The following SYK variants were observed in gnomAD, a reference collection of about 807,000 sequenced individuals.
The protein encoded by SYK is tyrosine-protein kinase SYK.
A neutral mutation model predicts 77.8 loss-of-function variants in SYK; 16 were observed. That is an observed-to-expected ratio of 0.21 (90% CI 0.14 to 0.31). The LOEUF (loss-of-function observed/expected upper bound fraction) is 0.31, where lower values mean the gene tolerates loss of function less well. Ranked by LOEUF, SYK falls within the 10% of genes least tolerant of loss-of-function variation. The probability of loss-of-function intolerance (pLI) is 1.00; values close to 1 mark genes in which losing one functional copy is unlikely to be tolerated. For synonymous variants in SYK, 312 were observed against 308.7 expected (o/e 1.01, Z -0.11); for missense variants, 529 against 814.4 (o/e 0.65, Z 4.26).
At chr9:90,821,668 C>T (rs1027637717) in intron 1 of SYK, among the ~76,000 whole-genome samples, 3 of 152,210 alleles carry the variant, frequency 2.0e-5, no homozygotes, top group Non-Finnish European at 1.5e-5. Flanking sequence ...AAAATTTTAG[C>T]CACATGCATA....
rs371908826 is a variant in SYK, at chr9:90,844,069, C to A, written c.171C>A (p.His57Gln). The A allele has an allele frequency of 1.2e-6, 2 of 1,611,882 alleles. No individual in the cohort carries two copies. The highest frequency in any genetic ancestry group is 1.7e-6 in the Non-Finnish European group (2 of 1,178,924). The change falls in exon 2 of 14, where the codon CAC (histidine) becomes CAA (glutamine). Residue 57 changes from histidine (H) to glutamine (Q), a missense_variant. His to Gln is a conservative substitution (Grantham distance 24). Around this residue, in one of 2 missense-constraint regions of SYK, gnomAD observed 321 missense variants for 433.1 expected, o/e 0.74. Coordinates refer to ENST00000375754, the MANE Select transcript of SYK (RefSeq NM_003177.7). Reference protein sequence around the residue: ...YLGGFALSVAHGRKAHHYTIE... With the variant: ...YLGGFALSVAQGRKAHHYTIE... ...GTGGCTTCGCCCTGTCCGTGGCCCACGGGAGGAAGGCACACCACTACACCA... is the reference window on the plus strand; with the variant it reads ...GTGGCTTCGCCCTGTCCGTGGCCCAAGGGAGGAAGGCACACCACTACACCA...
In SYK at chr9:90,898,320, G is replaced by C. The variant is rs1394836984; in HGVS notation, c.*2720G>C. ...CCCATACTCCCTATCAGCCAGCCCTGCCTGTAGCTGCTGTATGGTGATTGC... is the reference window on the plus strand; with the variant it reads ...CCCATACTCCCTATCAGCCAGCCCTCCCTGTAGCTGCTGTATGGTGATTGC... On this transcript the variant is annotated 3_prime_UTR_variant, in exon 14 of 14. Coordinates refer to ENST00000375754, the MANE Select transcript of SYK (RefSeq NM_003177.7). 1 of 228,896 alleles carries C rather than the reference G, an allele frequency of 4.4e-6. No individual in the cohort carries two copies. The highest frequency in any genetic ancestry group is 2.2e-5 in the African/African-American group (1 of 45,098). The allele number at this position is 228,896 out of a possible 1,614,324, so 14.2% of individuals were successfully genotyped here. A position where few individuals can be genotyped will look rare whatever the true frequency, so the allele number is the denominator to read the frequency against.
intron 1 of SYK, among the ~76,000 whole-genome samples, chr9:90,842,276 AGTGT>A (rs1317695207): frequency 2.2e-5 from 3 of 137,604 alleles, no homozygotes; most frequent in East Asian, 2.2e-4. Context: ...ATGTGTTCGT[AGTGT>A]GTGTGGCATG....
intron 1 of SYK, among the ~76,000 whole-genome samples, chr9:90,808,617 C>T (rs1824943057): frequency 6.6e-6 from 1 of 151,966 alleles, no homozygotes; most frequent in African/African-American, 2.4e-5. Flanking sequence ...GCAGGAACTC[C>T]CTGTTCTTTG....
At chr9:90,848,288 G>A (rs997314162) in intron 3 of SYK, among the ~76,000 whole-genome samples, 5 of 152,186 alleles carry the variant, frequency 3.3e-5, no homozygotes, top group African/African-American at 9.7e-5. Flanking sequence ...GAGCTAAAAG[G>A]CTCCAGGGAA....
intron 1 of SYK, among the ~76,000 whole-genome samples, chr9:90,824,589 A>C (rs772410): frequency 0.15 from 22,507 of 152,124 alleles, 1,997 homozygotes; most frequent in East Asian, 0.44. Flanking sequence ...TTAATGTGAT[A>C]CATCACATCA....
At chr9:90,892,815 G>C (rs1828844829) in intron 13 of SYK, among the ~76,000 whole-genome samples, 1 of 152,238 alleles carries the variant, frequency 6.6e-6, no homozygotes, top group Non-Finnish European at 1.5e-5. Context: ...CTGCCGAATG[G>C]AGAAATTTCC....
chr9:90,884,460 T>A lies in SYK; in HGVS notation c.1582-3289T>A, dbSNP rs1306371413. The stretch of plus-strand genomic sequence containing the variant: ...GTGTACATATACATACACATACACA[T>A]ATGTGTGTACATATACATACACACA... On this transcript the variant is annotated intron_variant, in intron 11 of 13. Transcript: ENST00000375754. Among the ~76,000 whole-genome samples, 2 of 55,660 alleles carry A rather than the reference T, an allele frequency of 3.6e-5. 1 individual carries two copies. The highest frequency in any genetic ancestry group is 6.4e-5 in the Non-Finnish European group (2 of 31,442). 36.5% of individuals were successfully genotyped at this position (55,660 alleles called of 152,430 possible).
intron 13 of SYK, 42 bp downstream of exon 13, chr9:90,888,669 G>A (rs1438542481): frequency 1.4e-6 from 2 of 1,405,760 alleles, no homozygotes; most frequent in Non-Finnish European, 1.9e-6. Context: ...AGATGCTCTG[G>A]AAACAGGTGA....
intron 7 of SYK, among the ~76,000 whole-genome samples, chr9:90,872,124 C>A (rs1272274229): frequency 3.3e-5 from 5 of 152,194 alleles, no homozygotes; most frequent in Non-Finnish European, 5.9e-5. Context: ...TTTTAAAATT[C>A]TTCCCTGCAG....
chr9:90,879,098 C>A (rs755045660), intron 11 of SYK, 145 bp downstream of exon 11: 3 of 567,214 alleles, frequency 5.3e-6, no homozygotes, highest in Non-Finnish European at 6.1e-6. Flanking sequence ...TTCTTATAAT[C>A]TTTGATTTTA....
chr9:90,882,810 C>G (rs1175729087), intron 11 of SYK, among the ~76,000 whole-genome samples: 1 of 152,198 alleles, frequency 6.6e-6, no homozygotes, highest in African/African-American at 2.4e-5. Flanking sequence ...CACAGGGAAA[C>G]AAGGCAGCCT....
At chr9:90,888,346 G>A (rs1274684719) in intron 12 of SYK, among the ~76,000 whole-genome samples, 169 bp from the exon 13 acceptor site, 1 of 152,062 alleles carries the variant, frequency 6.6e-6, no homozygotes, top group Non-Finnish European at 1.5e-5. Flanking sequence ...CCTTCCCCAG[G>A]GGTGACCCAA....
At chr9:90,840,525 T>C (rs1826259153) in intron 1 of SYK, among the ~76,000 whole-genome samples, 1 of 138,424 alleles carries the variant, frequency 7.2e-6, no homozygotes, top group Admixed American at 7.7e-5. Context: ...GCGACCATCC[T>C]GGCTAATGCG....
rs116848523 is a variant in SYK at position 90,804,482 on chromosome 9, C to T, written c.-42+2589C>T. The stretch of plus-strand genomic sequence containing the variant: ...GGCTAATTTTTACTTTCTCAACTTT[C>T]CCTGTATAGATTTTTTTCCAGCTAC... On this transcript the variant is annotated intron_variant, in intron 1 of 13. Transcript: ENST00000375754. Among the ~76,000 whole-genome samples, 921 of 152,278 alleles carry T rather than the reference C, an allele frequency of 6.0e-3. 3 individuals are homozygous for T. Among genetic ancestry groups the T allele is most frequent in the Non-Finnish European group, 9.9e-3 (671 of 68,012 alleles).
At chr9:90,845,028 A>C (rs1172969770) in intron 2 of SYK, among the ~76,000 whole-genome samples, 2 of 152,144 alleles carry the variant, frequency 1.3e-5, no homozygotes, top group Non-Finnish European at 2.9e-5. Context: ...CTCTGGCTCC[A>C]AGGTTCAAGC....
At chr9:90,858,862 A>G (rs1485221279) in intron 3 of SYK, among the ~76,000 whole-genome samples, 3 of 152,154 alleles carry the variant, frequency 2.0e-5, no homozygotes, top group African/African-American at 4.8e-5. Flanking sequence ...GTCACTACCT[A>G]TACCTTCCAG....
At chr9:90,843,329 C>T (rs947104413) in intron 1 of SYK, among the ~76,000 whole-genome samples, 6 of 152,204 alleles carry the variant, frequency 3.9e-5, no homozygotes, top group Admixed American at 1.3e-4. Flanking sequence ...TCAGCACCAG[C>T]GTGTGACTGA....
At chr9:90,835,095 A>G (rs1225528123) in intron 1 of SYK, among the ~76,000 whole-genome samples, 1 of 152,222 alleles carries the variant, frequency 6.6e-6, no homozygotes, top group African/African-American at 2.4e-5. Flanking sequence ...CACACATAAC[A>G]GAGAAGGATC....
Sources: gnomAD v4.1 joint callset for allele counts (sites outside exome capture counted in the v4.1 genomes callset) on GRCh38, gnomAD v4.1.1 for gene constraint, gnomAD v4.1.1 regional missense constraint, MANE v1.5 for transcripts, NCBI Gene and HGNC (gene_info 2026-07-23, HGNC 2026-07-21) for gene names.